CFAP46: variants seen among roughly 807,000 people sequenced by gnomAD.
CFAP46 encodes cilia- and flagella-associated protein 46.
Under a neutral mutation model 325.7 loss-of-function variants are expected in CFAP46, and 245 were observed. The ratio of observed to expected loss-of-function variants is 0.75; its 90% confidence interval spans 0.68 to 0.84. CFAP46 has a LOEUF of 0.84. Among genes scored for constraint, CFAP46 ranks in the 40% least tolerant of loss-of-function variants. The probability of loss-of-function intolerance (pLI) is 0.00; values close to 1 mark genes in which losing one functional copy is unlikely to be tolerated. For synonymous variants in CFAP46, 1,523 were observed against 1,495.9 expected (o/e 1.02, Z -0.42); for missense variants, 3,346 against 3,543.0 (o/e 0.94, Z 1.41).
chr10:132,851,487 A>G (rs1848544456), intron 39 of CFAP46, among the ~76,000 whole-genome samples, 182 bp from the exon 40 acceptor site: 1 of 152,188 alleles, frequency 6.6e-6, no homozygotes, highest in African/African-American at 2.4e-5. Context: ...CACCTTCGAG[A>G]TAATGCAGTA....
In CFAP46 at chr10:132,915,782, G is replaced by A. The variant is rs115963624; in HGVS notation, c.2120+767C>T. Among the ~76,000 whole-genome samples, 940 of 152,360 alleles carry A rather than the reference G, an allele frequency of 6.2e-3. 9 individuals carry two copies. Among genetic ancestry groups the A allele is most frequent in the African/African-American group, 0.021 (890 of 41,582 alleles). On this transcript the variant is annotated intron_variant, in intron 17 of 57. Coordinates refer to ENST00000368586, the MANE Select transcript of CFAP46 (RefSeq NM_001200049.3). Reference sequence around the variant, plus strand: ...ACTATAGTTTACAGGGATGCTGGAAGGGGGACATCGAACATTCCCAACATG... The same window carrying A: ...ACTATAGTTTACAGGGATGCTGGAAAGGGGACATCGAACATTCCCAACATG...
rs1438560696 is a variant in CFAP46 at position 132,859,220 on chromosome 10, C to T, written c.5226G>A (p.Ala1742=). The T allele has an allele frequency of 5.2e-6, 8 of 1,549,638 alleles. No individual in the cohort carries two copies. Among genetic ancestry groups the T allele is most frequent in the Admixed American group, 2.0e-5 (1 of 50,958 alleles). Residue 1742 remains alanine, a synonymous_variant, in exon 38 of 58, where the codon GCG becomes GCA. Coordinates refer to ENST00000368586, the MANE Select transcript of CFAP46 (RefSeq NM_001200049.3). ...TGGGTTCAGTGACCGCTGAGTGCTG[C>T]GCAACTCTGACCCGCAGGCTCAGGC... is the stretch of plus-strand genomic sequence containing the variant. ...ARCLSLRVRV[A]QHSAVTEPTE... is the part of the protein sequence containing the mutation.
intron 15 of CFAP46, among the ~76,000 whole-genome samples, chr10:132,918,936 C>T (rs926348219): frequency 2.0e-5 from 3 of 152,322 alleles, no homozygotes; most frequent in Admixed American, 1.3e-4. Flanking sequence ...TCTCCAGGGC[C>T]GGGTGCTGAT....
At chr10:132,935,949 A>C (rs1307281184) in intron 7 of CFAP46, among the ~76,000 whole-genome samples, 283 of 84,284 alleles carry the variant, frequency 3.4e-3, no homozygotes, top group Middle Eastern at 0.015. Context: ...GCACCCAAAC[A>C]CACTGCGATC....
Position 132,885,972 on chromosome 10 carries a change from AGGAGG to A in CFAP46, c.3305-18_3305-14del. The A allele has an allele frequency of 6.5e-7, 1 of 1,548,722 alleles. No individual in the cohort carries two copies. Among genetic ancestry groups the A allele is most frequent in the Non-Finnish European group, 8.7e-7 (1 of 1,145,734 alleles). ...TCGTCCTCAGCCCCTGGGAGGGAGA[AGGAGG>A]GGTGTCCTTGGAGCCGCCTGATCCC... On this transcript the variant is annotated splice_polypyrimidine_tract_variant and intron_variant, in intron 25 of 57. Coordinates refer to ENST00000368586, the MANE Select transcript of CFAP46 (RefSeq NM_001200049.3).
At chr10:132,837,946 C>CACGCACGTGTGCACGGACACAGAT (rs1564773019) in intron 44 of CFAP46, among the ~76,000 whole-genome samples, 3 of 152,190 alleles carry the variant, frequency 2.0e-5, no homozygotes, top group Non-Finnish European at 2.9e-5. Context: ...CGGACACAGA[C>CACGCACGTGTGCACGGACACAGAT]ACGCACGTGT....
chr10:132,856,482 A>T (rs997396319), intron 39 of CFAP46, among the ~76,000 whole-genome samples: 2 of 152,074 alleles, frequency 1.3e-5, no homozygotes, highest in Non-Finnish European at 2.9e-5. Flanking sequence ...TGCACTTAAA[A>T]CTGTGTGACT....
At chr10:132,860,118 G>A (rs549334549) in intron 37 of CFAP46, among the ~76,000 whole-genome samples, 42 of 152,292 alleles carry the variant, frequency 2.8e-4, no homozygotes, top group African/African-American at 9.6e-4. Context: ...AATTTATACC[G>A]ACACACCACA....
intron 44 of CFAP46, among the ~76,000 whole-genome samples, chr10:132,841,591 G>A (rs969933375): frequency 6.6e-6 from 1 of 152,208 alleles, no homozygotes; most frequent in Non-Finnish European, 1.5e-5. Context: ...CCTGGGACGA[G>A]TCTCTGCCCA....
chr10:132,918,663 G>C (rs1443220802), intron 15 of CFAP46, 143 bp from the exon 16 acceptor site: 1 of 1,127,130 alleles, frequency 8.9e-7, no homozygotes, highest in Non-Finnish European at 1.2e-6. Context: ...TAGGCGGGAG[G>C]TGGGCAGCTT....
rs73387072 is a variant in CFAP46 at position 132,808,542 on chromosome 10, C to T, written c.8027G>A (p.Arg2676His). ...SACLCAPWGLRRGWSCVSSRG... is the reference protein window; with the variant it reads ...SACLCAPWGLHRGWSCVSSRG... The stretch of plus-strand genomic sequence containing the variant: ...GGAAGAGACGCAGCTCCAGCCCCGA[C>T]GCAGACCCCATGGCGCACACAGGCA... The change falls in exon 58 of 58, where the codon CGT (arginine) becomes CAT (histidine). Residue 2676 changes from arginine to histidine, a missense_variant. Coordinates refer to ENST00000368586, the MANE Select transcript of CFAP46 (RefSeq NM_001200049.3). This position sits in a 1 kb window ranked among gnomAD's most constrained non-coding sequence, Gnocchi z 6.8. 8,606 of 1,612,984 alleles carry T rather than the reference C, an allele frequency of 5.3e-3. 287 individuals carry two copies. In the African/African-American group the frequency reaches 0.085, roughly 16 times the overall value.
chr10:132,843,166 G>A (rs886353150), intron 44 of CFAP46, among the ~76,000 whole-genome samples: 4 of 152,196 alleles, frequency 2.6e-5, no homozygotes, highest in Non-Finnish European at 1.5e-5. Flanking sequence ...TCATTTAGGA[G>A]AGCACATATG....
intron 50 of CFAP46, among the ~76,000 whole-genome samples, chr10:132,816,473 A>G (rs1024820487): frequency 1.3e-5 from 2 of 150,922 alleles, no homozygotes; most frequent in Non-Finnish European, 2.9e-5. Context: ...CTGGGATTAC[A>G]AGTACCCGCC....
rs182593969 is a variant in CFAP46 at position 132,827,517 on chromosome 10, A to T, written c.7117+5841T>A. 1.6e-3 allele frequency among the ~76,000 whole-genome samples: 240 copies of T among 151,974 alleles called. No individual in the cohort carries two copies. The highest frequency in any genetic ancestry group is 5.5e-3 in the African/African-American group (230 of 41,464). On this transcript the variant is annotated intron_variant, in intron 50 of 57. Transcript: ENST00000368586. This position sits in a 1 kb window ranked among gnomAD's most constrained non-coding sequence, Gnocchi z 5.7. Reference sequence around the variant, plus strand: ...TTCATGTAAAAAATTTCCACTCACAAGCAGGAGACTCCACGAGGCCTTGGG... The same window carrying T: ...TTCATGTAAAAAATTTCCACTCACATGCAGGAGACTCCACGAGGCCTTGGG...
At chr10:132,851,659 C>A (rs1037280365) in intron 39 of CFAP46, among the ~76,000 whole-genome samples, 12 of 152,238 alleles carry the variant, frequency 7.9e-5, no homozygotes, top group African/African-American at 2.9e-4. Flanking sequence ...GTAAAGTCAC[C>A]GTGAGACTCC....
chr10:132,899,204 C>A lies in CFAP46; in HGVS notation c.3057-83G>T. The stretch of plus-strand genomic sequence containing the variant: ...GACCAGGAGGGACAGGAAGGTCGGG[C>A]GCCCAGGGCCCAGCCACACGCTCGC... On this transcript the variant is annotated intron_variant, in intron 23 of 57. Coordinates refer to ENST00000368586, the MANE Select transcript of CFAP46 (RefSeq NM_001200049.3). 2.8e-6 allele frequency: 4 copies of A among 1,429,790 alleles called. No individual in the cohort carries two copies. The South Asian group carries it at 5.6e-5, about 20-fold the overall frequency. The allele number at this position is 1,429,790 out of a possible 1,614,324, so 88.6% of individuals were successfully genotyped here.
At chr10:132,846,807 A>T in intron 43 of CFAP46, 125 bp downstream of exon 43, 2 of 1,246,242 alleles carry the variant, frequency 1.6e-6, no homozygotes, top group Non-Finnish European at 2.2e-6. Context: ...CCCACTGCTT[A>T]AGGACCCTGG....
At chr10:132,881,148 C>T in intron 27 of CFAP46, 116 bp from the exon 28 acceptor site, 1 of 1,031,618 alleles carries the variant, frequency 9.7e-7, no homozygotes, top group South Asian at 1.6e-5. Flanking sequence ...CTTACCCCCA[C>T]AGTGATCATT....
intron 41 of CFAP46, among the ~76,000 whole-genome samples, chr10:132,849,425 G>T (rs549507523): frequency 8.5e-5 from 13 of 152,192 alleles, no homozygotes; most frequent in Non-Finnish European, 1.9e-4. Flanking sequence ...TGGCGTGGTT[G>T]CTCCAGTCCC....
Sources: gnomAD v4.1 joint callset for allele counts (sites outside exome capture counted in the v4.1 genomes callset) on GRCh38, gnomAD v4.1.1 for gene constraint, Gnocchi (gnomAD v3.1) non-coding constraint, MANE v1.5 for transcripts, NCBI Gene and HGNC (gene_info 2026-07-23, HGNC 2026-07-21) for gene names.